TMPRSS11D: variants seen among roughly 807,000 people sequenced by gnomAD.
TMPRSS11D encodes the protein transmembrane protease serine 11D.
TMPRSS11D carries 32 observed loss-of-function variants against 44.4 expected under a neutral mutation model. That is an observed-to-expected ratio of 0.72 (90% confidence interval 0.54 to 0.97). The LOEUF is 0.97. Ranked by LOEUF, TMPRSS11D falls within the 50% of genes least tolerant of loss-of-function variation. The pLI, the probability that TMPRSS11D is intolerant of heterozygous loss-of-function variation, is 0.00. For missense variants in TMPRSS11D, 446 were observed against 502.6 expected, an observed-to-expected ratio of 0.89 and a Z score of 1.08; for synonymous variants, 179 against 177.9, an observed-to-expected ratio of 1.01 and a Z score of -0.05.
chr4:67,829,502 A>G (rs13125786), intron 7 of TMPRSS11D, among the ~76,000 whole-genome samples: 1 of 151,862 alleles, frequency 6.6e-6, no homozygotes, highest in East Asian at 1.9e-4. Context: ...CTTTTTGGCT[A>G]AACAACAAAA....
intron 1 of TMPRSS11D, among the ~76,000 whole-genome samples, chr4:67,866,767 A>G (rs888927241): frequency 1.3e-5 from 2 of 152,036 alleles, no homozygotes; most frequent in Non-Finnish European, 2.9e-5. Flanking sequence ...ATCGGAATAT[A>G]TTTAACCAAG....
At chr4:67,858,450 T>C (rs533327737) in intron 2 of TMPRSS11D, among the ~76,000 whole-genome samples, 1 of 152,302 alleles carries the variant, frequency 6.6e-6, no homozygotes, top group African/African-American at 2.4e-5. Context: ...TCCAGGTGAT[T>C]TGATAGCAAA....
chr4:67,821,816 G>A lies in TMPRSS11D; in HGVS notation c.*521C>T, dbSNP rs1253036481. 1 of 152,320 alleles carries A rather than the reference G, an allele frequency of 6.6e-6. No individual in the cohort carries two copies. The highest frequency in any genetic ancestry group is 1.5e-5 in the Non-Finnish European group (1 of 68,258). The allele number at this position is 152,320 out of a possible 1,614,324, so 9.4% of individuals were successfully genotyped here. On this transcript the variant is annotated 3_prime_UTR_variant, in exon 10 of 10. Transcript: ENST00000283916. ...AACAGTTTCACATTTTTAATTTTAG[G>A]ACTCATACTAAGTATAAGATATTGA...
At position 67,854,060 on chromosome 4, in the gene TMPRSS11D, T is replaced by C; in HGVS notation, c.249+8A>G. On this transcript the variant is annotated splice_region_variant and intron_variant, in intron 3 of 9. Coordinates refer to ENST00000283916, the MANE Select transcript of TMPRSS11D (RefSeq NM_004262.3). ...TGGAATAAAGAGCAAAGACAAATAT[T>C]AACTTACCAGAGATTCAATTCTTCC... 1 of 1,432,074 alleles carries C rather than the reference T, an allele frequency of 7.0e-7. No homozygotes were observed. The highest frequency in any genetic ancestry group is 9.5e-7 in the Non-Finnish European group (1 of 1,047,536). The allele number at this position is 1,432,074 out of a possible 1,614,324, so 88.7% of individuals were successfully genotyped here.
intron 1 of TMPRSS11D, among the ~76,000 whole-genome samples, chr4:67,867,735 C>T (rs1718961029): frequency 6.6e-6 from 1 of 152,032 alleles, no homozygotes; most frequent in African/African-American, 2.4e-5. Context: ...TGCTCAATAT[C>T]ACTAATCAGA....
intron 4 of TMPRSS11D, 22 bp from the exon 5 acceptor site, chr4:67,838,351 T>A (rs1455852011): frequency 1.3e-6 from 2 of 1,519,212 alleles, no homozygotes; most frequent in African/African-American, 1.4e-5. Context: ...AAAGATATTT[T>A]AAAAAACAAA....
chr4:67,851,770 T>C (rs1232326860), intron 3 of TMPRSS11D, among the ~76,000 whole-genome samples: 1 of 152,228 alleles, frequency 6.6e-6, no homozygotes, highest in Non-Finnish European at 1.5e-5. Flanking sequence ...CTACCGAAGT[T>C]AGACATTTCT....
chr4:67,861,194 T>C (rs950711800), intron 1 of TMPRSS11D, among the ~76,000 whole-genome samples: 1 of 152,176 alleles, frequency 6.6e-6, no homozygotes, highest in African/African-American at 2.4e-5. Flanking sequence ...GCTACACTAG[T>C]GAAAACTGGC....
chr4:67,854,411 A>G (rs1229095087), intron 2 of TMPRSS11D, among the ~76,000 whole-genome samples: 2 of 151,912 alleles, frequency 1.3e-5, no homozygotes, highest in Non-Finnish European at 2.9e-5. Context: ...TCAGAGTGGT[A>G]TTATTATTTG....
rs181077480 is a variant in TMPRSS11D, at chr4:67,881,482, A to T, written c.8+2444T>A. Among the ~76,000 whole-genome samples the T allele has an allele frequency of 1.4e-4, 22 of 152,316 alleles. 1 individual carries two copies. The East Asian group carries it at 3.9e-3, about 27-fold the overall frequency. Reference sequence around the variant, plus strand: ...GTGGCTCAAGATTTTATAGGCAACAACTTGTACTAGAAATGCACTATTTTG... The same window carrying T: ...GTGGCTCAAGATTTTATAGGCAACATCTTGTACTAGAAATGCACTATTTTG... On this transcript the variant is annotated intron_variant, in intron 1 of 9. Coordinates refer to ENST00000283916, the MANE Select transcript of TMPRSS11D (RefSeq NM_004262.3).
rs1332067635 is a variant in TMPRSS11D, at chr4:67,859,692, G to C, written c.9-14C>G. On this transcript the variant is annotated splice_polypyrimidine_tract_variant and intron_variant, in intron 1 of 9. Coordinates refer to ENST00000283916, the MANE Select transcript of TMPRSS11D (RefSeq NM_004262.3). ...ACACGTGCTGGCCTTACAAGAGAGA[G>C]AGATCAAAGAAAGTCATTCATTTCA... 6.2e-7 allele frequency: 1 copy of C among 1,611,426 alleles called. No individual in the cohort carries two copies. The highest frequency in any genetic ancestry group is 2.2e-5 in the East Asian group (1 of 44,820).
intron 1 of TMPRSS11D, among the ~76,000 whole-genome samples, chr4:67,866,210 T>C (rs1718922045): frequency 6.6e-6 from 1 of 151,986 alleles, no homozygotes; most frequent in South Asian, 2.1e-4. Flanking sequence ...AATTGATAAA[T>C]GTGATTCACC....
At chr4:67,868,084 CTAGA>C (rs1248452635) in intron 1 of TMPRSS11D, among the ~76,000 whole-genome samples, 1 of 143,802 alleles carries the variant, frequency 7.0e-6, no homozygotes, top group Non-Finnish European at 1.5e-5. Flanking sequence ...CAACAGATCA[CTAGA>C]TAGAGAAATA....
At chr4:67,881,600 G>GT (rs1719322192) in intron 1 of TMPRSS11D, among the ~76,000 whole-genome samples, 1 of 152,130 alleles carries the variant, frequency 6.6e-6, no homozygotes, top group Non-Finnish European at 1.5e-5. Flanking sequence ...TTTTAAGCAT[G>GT]TTTTTCTGAG....
chr4:67,850,024 G>T (rs1045571191), intron 3 of TMPRSS11D, among the ~76,000 whole-genome samples: 2 of 152,122 alleles, frequency 1.3e-5, no homozygotes, highest in Admixed American at 6.5e-5. Context: ...ACATATGTAA[G>T]ATTAACTAGG....
At chr4:67,881,128 G>T (rs773968438) in intron 1 of TMPRSS11D, among the ~76,000 whole-genome samples, 89 of 152,140 alleles carry the variant, frequency 5.8e-4, no homozygotes, top group Non-Finnish European at 1.1e-3. Flanking sequence ...TCCTTCAAAT[G>T]GGAGCAATAC....
chr4:67,831,186 T>A (rs905860277), intron 7 of TMPRSS11D, among the ~76,000 whole-genome samples: 2 of 152,194 alleles, frequency 1.3e-5, no homozygotes, highest in Admixed American at 6.5e-5. Flanking sequence ...TAAAAAAATT[T>A]CTGTGGAACT....
At chr4:67,828,035 GGT>G (rs71641425) in intron 7 of TMPRSS11D, among the ~76,000 whole-genome samples, 78 of 137,634 alleles carry the variant, frequency 5.7e-4, no homozygotes, top group Non-Finnish European at 9.5e-4. Flanking sequence ...TGAAGATTTT[GGT>G]GTGTGTGTGT....
intron 1 of TMPRSS11D, among the ~76,000 whole-genome samples, chr4:67,872,367 A>G (rs1719079963): frequency 6.6e-6 from 1 of 152,094 alleles, no homozygotes; most frequent in Admixed American, 6.5e-5. Flanking sequence ...TTGGCACAAA[A>G]TAATTTTGCT....
Sources: gnomAD v4.1 joint callset for allele counts (sites outside exome capture counted in the v4.1 genomes callset) on GRCh38, gnomAD v4.1.1 for gene constraint, MANE v1.5 for transcripts, NCBI Gene and HGNC (gene_info 2026-07-23, HGNC 2026-07-21) for gene names.